The following RNF135 variants were observed in gnomAD, a reference collection of about 807,000 sequenced individuals.
RNF135 encodes E3 ubiquitin-protein ligase RNF135.
RNF135 carries 46 observed loss-of-function variants against 41.9 expected under a neutral mutation model. That is an observed-to-expected ratio of 1.10 (90% confidence interval 0.87 to 1.40). The LOEUF is 1.40. Ranked by LOEUF, RNF135 falls within the 40% of genes most tolerant of loss-of-function variation. RNF135 has a pLI of 0.00. For missense variants in RNF135, 539 were observed against 549.8 expected (o/e 0.98, Z 0.20); for synonymous variants, 238 against 223.8 (o/e 1.06, Z -0.57).
chr17:30,973,665 A>G (rs552927698), intron 1 of RNF135, among the ~76,000 whole-genome samples: 13 of 152,170 alleles, frequency 8.5e-5, no homozygotes, highest in Non-Finnish European at 1.8e-4. Flanking sequence ...ACGGGGTTTC[A>G]CTGTGGGCCA....
intron 4 of RNF135, 135 bp downstream of exon 4, chr17:30,997,466 C>T (rs1023330492): frequency 1.6e-5 from 13 of 788,692 alleles, no homozygotes; most frequent in Middle Eastern, 2.3e-4. Context: ...GGTCCCTCCA[C>T]GGGGGGAGCT....
At chr17:30,964,389 C>CAAAA in the RNF135 span, among the ~76,000 whole-genome samples, 4 of 37,188 alleles carry the variant, frequency 1.1e-4, no homozygotes, top group African/African-American at 2.5e-4. Context: ...GACTTCATCT[C>CAAAA]AAAAAAAAAA....
intron 1 of RNF135, among the ~76,000 whole-genome samples, chr17:30,979,368 T>A (rs376457741): frequency 2.2e-3 from 117 of 52,616 alleles, no homozygotes; most frequent in African/African-American, 4.9e-3. Context: ...CGGGGGGCTG[T>A]CCCCCCCACC....
intron 1 of RNF135, among the ~76,000 whole-genome samples, chr17:30,977,179 A>G (rs904187669): frequency 1.3e-5 from 2 of 152,204 alleles, no homozygotes; most frequent in African/African-American, 2.4e-5. Context: ...GCTGATAACA[A>G]CTTGACACTG....
In RNF135 at chr17:30,971,230, G is replaced by T; in HGVS notation, c.157G>T (p.Asp53Tyr). 4 of 1,513,160 alleles carry T rather than the reference G, an allele frequency of 2.6e-6. No individual in the cohort carries two copies. Among genetic ancestry groups the T allele is most frequent in the Non-Finnish European group, 3.5e-6 (4 of 1,137,384 alleles). The allele number at this position is 1,513,160 out of a possible 1,614,324, so 93.7% of individuals were successfully genotyped here. ...HCLEALWGAR[D>Y]ARRWACPTCR... ...CCTGGAGGCCCTGTGGGGCGCCCGC[G>T]ACGCCCGCCGCTGGGCCTGCCCCAC... Residue 53 changes from aspartate to tyrosine, a missense_variant, in exon 1 of 5, where the codon GAC becomes TAC. Physicochemically the swap from Asp to Tyr is radical, Grantham distance 160 (BLOSUM62 -3). Around this residue, in one of 2 missense-constraint regions of RNF135, gnomAD observed 277 missense variants for 212.8 expected, o/e 1.30. Transcript: ENST00000328381.
At chr17:30,987,451 C>T (rs1187313549) in intron 2 of RNF135, among the ~76,000 whole-genome samples, 2 of 152,084 alleles carry the variant, frequency 1.3e-5, no homozygotes, top group East Asian at 1.9e-4. Flanking sequence ...AGGCTGGTCT[C>T]GGATTCCTGA....
chr17:30,971,777 T>G, intron 1 of RNF135: 1 of 1,061,450 alleles, frequency 9.4e-7, no homozygotes, highest in East Asian at 5.3e-5. Flanking sequence ...AAACTGGCCA[T>G]TTTAACCTTT....
chr17:30,989,422 T>C (rs1907834407), intron 3 of RNF135, among the ~76,000 whole-genome samples: 1 of 152,090 alleles, frequency 6.6e-6, no homozygotes, highest in South Asian at 2.1e-4. Flanking sequence ...ATATAATCTC[T>C]GGGGAGTGTG....
At chr17:30,973,345 T>G (rs1047159360) in intron 1 of RNF135, 1 of 152,214 alleles carries the variant, frequency 6.6e-6, no homozygotes, top group African/African-American at 2.4e-5. Context: ...TCCTTTGATG[T>G]GCAAAAGTTT....
At chr17:30,969,709 T>G (rs1198845800), upstream of RNF135, among the ~76,000 whole-genome samples, 1 of 152,152 alleles carries the variant, frequency 6.6e-6, no homozygotes, top group Non-Finnish European at 1.5e-5. Context: ...ACTTCCAGTA[T>G]TAGAAATAAC....
chr17:30,982,117 C>G (rs1303533947), intron 1 of RNF135, among the ~76,000 whole-genome samples: 2 of 152,214 alleles, frequency 1.3e-5, no homozygotes, highest in Admixed American at 6.5e-5. Context: ...AGGCTTGTGT[C>G]CTTCCCTTCA....
intron 1 of RNF135, among the ~76,000 whole-genome samples, chr17:30,977,749 A>G (rs1906590939): frequency 6.6e-6 from 1 of 151,968 alleles, no homozygotes; most frequent in Non-Finnish European, 1.5e-5. Flanking sequence ...TTGTATTTTT[A>G]GCAGAGACGG....
chr17:30,975,718 C>T, intron 1 of RNF135: 1 of 1,413,436 alleles, frequency 7.1e-7, no homozygotes. Context: ...CCAGATTGCC[C>T]AACACTGCTC....
upstream of RNF135, among the ~76,000 whole-genome samples, chr17:30,966,662 AT>A (rs764054702): frequency 0.035 from 4,833 of 136,538 alleles, 74 homozygotes; most frequent in Non-Finnish European, 0.054. Flanking sequence ...TGCCTGGCTA[AT>A]TTTTTTTTTT....
Position 30,987,938 on chromosome 17 carries a change from C to T in RNF135, c.517-6C>T, listed in dbSNP as rs1907702442. ...ATTTATTCAGTTTTAAATGGTTTAT[C>T]AATAGGCTTTTTCTTCTGGGGTGGA... is the stretch of plus-strand genomic sequence containing the variant. On this transcript the variant is annotated splice_polypyrimidine_tract_variant and splice_region_variant and intron_variant, in intron 2 of 4. Coordinates refer to ENST00000328381, the MANE Select transcript of RNF135 (RefSeq NM_032322.4). The T allele has an allele frequency of 6.2e-7, 1 of 1,613,444 alleles. No individual in the cohort carries two copies. Among genetic ancestry groups the T allele is most frequent in the Non-Finnish European group, 8.5e-7 (1 of 1,179,576 alleles).
intron 3 of RNF135, among the ~76,000 whole-genome samples, chr17:30,990,576 C>T (rs1362661423): frequency 6.6e-6 from 1 of 152,176 alleles, no homozygotes; most frequent in African/African-American, 2.4e-5. Context: ...TCTCTTCCAT[C>T]CTTGCCAATT....
intron 2 of RNF135, among the ~76,000 whole-genome samples, chr17:30,986,427 C>A (rs1767124814): frequency 6.6e-6 from 1 of 152,166 alleles, no homozygotes; most frequent in Non-Finnish European, 1.5e-5. Context: ...AAACTCCTGA[C>A]CTTGTGATCC....
intron 1 of RNF135, chr17:30,979,288 C>T (rs1906770916): frequency 8.0e-6 from 1 of 124,830 alleles, no homozygotes; most frequent in Non-Finnish European, 1.7e-5. Context: ...GGCAGAGGGG[C>T]TCCTCACTTC....
At chr17:30,973,174 A>C (rs1348481565) in intron 1 of RNF135, 2 of 152,158 alleles carry the variant, frequency 1.3e-5, no homozygotes, top group African/African-American at 4.8e-5. Context: ...AGAAATGTCT[A>C]TTCAAGTCCT....
Sources: allele counts gnomAD v4.1 joint callset (sites outside exome capture counted in the v4.1 genomes callset), GRCh38; gene constraint gnomAD v4.1.1; regional missense constraint gnomAD v4.1.1; transcripts MANE v1.5; gene names NCBI Gene and HGNC (gene_info 2026-07-23, HGNC 2026-07-21).